RWDD1: variants seen among roughly 807,000 people sequenced by gnomAD.
RWDD1 encodes RWD domain containing 1.
Under a neutral mutation model 31.6 loss-of-function variants are expected in RWDD1, and 17 were observed. The observed-to-expected ratio is 0.54, with a 90% CI of 0.37 to 0.81. The LOEUF is 0.81. Among genes scored for constraint, RWDD1 ranks in the 30% least tolerant of loss-of-function variants. RWDD1 has a pLI of 0.00. For synonymous variants in RWDD1, 78 were observed against 94.2 expected, an observed-to-expected ratio of 0.83 and a Z score of 0.99; for missense variants, 204 against 274.5, an observed-to-expected ratio of 0.74 and a Z score of 1.82.
At chr6:116,575,007 C>T (rs1466517244) in intron 1 of RWDD1, among the ~76,000 whole-genome samples, 2 of 151,806 alleles carry the variant, frequency 1.3e-5, no homozygotes, top group Admixed American at 1.3e-4. Context: ...TGGCCTCAAG[C>T]GAGTCTCCTG....
At position 116,571,517 on chromosome 6, in the gene RWDD1, A is replaced by T; in HGVS notation, c.-66A>T. The T allele has an allele frequency of 6.6e-7, 1 of 1,510,140 alleles. No individual in the cohort carries two copies. Among genetic ancestry groups the T allele is most frequent in the Non-Finnish European group, 8.9e-7 (1 of 1,121,046 alleles). The allele number at this position is 1,510,140 out of a possible 1,614,324, so 93.5% of individuals were successfully genotyped here. A position where few individuals can be genotyped will look rare whatever the true frequency, so the allele number is the denominator to read the frequency against. On this transcript the variant is annotated 5_prime_UTR_variant, in exon 1 of 7. Transcript: ENST00000466444. ...CCGCCGCCCGCTCTCCCGGCGCGGCAGCTGTCTGGGCTGCTGCGCGCCGCC... is the reference window on the plus strand; with the variant it reads ...CCGCCGCCCGCTCTCCCGGCGCGGCTGCTGTCTGGGCTGCTGCGCGCCGCC...
intron 6 of RWDD1, among the ~76,000 whole-genome samples, chr6:116,591,719 C>T (rs1775148432): frequency 6.6e-6 from 1 of 152,250 alleles, no homozygotes; most frequent in Admixed American, 6.5e-5. Context: ...GGGCTCCATA[C>T]TCAGTCACAC....
At chr6:116,590,855 T>C (rs1775130358) in intron 5 of RWDD1, 33 bp from the exon 6 acceptor site, 2 of 1,553,328 alleles carry the variant, frequency 1.3e-6, no homozygotes, top group Non-Finnish European at 1.7e-6. Flanking sequence ...AACTATGCCA[T>C]TTGAATTAAA....
chr6:116,587,609 A>C (rs567003967), intron 3 of RWDD1, among the ~76,000 whole-genome samples: 3 of 151,910 alleles, frequency 2.0e-5, no homozygotes, highest in Non-Finnish European at 4.4e-5. Flanking sequence ...CATTGACTAG[A>C]TCAGTTTTGT....
chr6:116,576,739 G>T (rs1421405987), intron 1 of RWDD1, among the ~76,000 whole-genome samples: 2 of 152,246 alleles, frequency 1.3e-5, no homozygotes, highest in African/African-American at 4.8e-5. Flanking sequence ...GTAATGACAA[G>T]TTAACAAGTA....
intron 1 of RWDD1, 138 bp downstream of exon 1, chr6:116,571,793 C>T (rs959980416): frequency 3.3e-6 from 2 of 598,452 alleles, no homozygotes; most frequent in East Asian, 6.3e-5. Context: ...CTCCACTCCT[C>T]AAGTTCTTCA....
intron 1 of RWDD1, among the ~76,000 whole-genome samples, chr6:116,578,159 C>G (rs7757967): frequency 0.81 from 123,470 of 152,156 alleles, 50,264 homozygotes; most frequent in Middle Eastern, 0.89. Flanking sequence ...TAAAAGCTCT[C>G]TATCTCAGTT....
rs988312939 is a variant in RWDD1, at chr6:116,576,378, A to G, written c.74-3917A>G. Reference sequence around the variant, plus strand: ...TTTTTAGCTGCACATGGGCGTTGCCACACCTTGAAAATGCCATCTCTAACA... The same window carrying G: ...TTTTTAGCTGCACATGGGCGTTGCCGCACCTTGAAAATGCCATCTCTAACA... On this transcript the variant is annotated intron_variant, in intron 1 of 6. Transcript: ENST00000466444. Among the ~76,000 whole-genome samples the G allele has an allele frequency of 1.4e-4, 22 of 152,264 alleles. 1 individual carries two copies. Among genetic ancestry groups the G allele is most frequent in the Admixed American group, 1.4e-3 (22 of 15,284 alleles).
intron 1 of RWDD1, among the ~76,000 whole-genome samples, chr6:116,575,295 A>G (rs2115323018): frequency 6.6e-6 from 1 of 152,128 alleles, no homozygotes; most frequent in African/African-American, 2.4e-5. Flanking sequence ...CTATGTTCCC[A>G]GGCTGGTCTT....
Position 116,593,129 on chromosome 6 carries a change from T to C in RWDD1, c.*28T>C. 1 of 1,594,336 alleles carries C rather than the reference T, an allele frequency of 6.3e-7. No homozygotes were observed. Among genetic ancestry groups the C allele is most frequent in the Non-Finnish European group, 8.5e-7 (1 of 1,171,912 alleles). Reference sequence around the variant, plus strand: ...GACTGTCCCCATCTGCAGAGAGGCTTGACTGCCACAGCATCTGTGGCTATG... The same window carrying C: ...GACTGTCCCCATCTGCAGAGAGGCTCGACTGCCACAGCATCTGTGGCTATG... On this transcript the variant is annotated 3_prime_UTR_variant, in exon 7 of 7. Coordinates refer to ENST00000466444, the MANE Select transcript of RWDD1 (RefSeq NM_015952.4).
In RWDD1 at chr6:116,589,305, T is replaced by C. The variant is rs146331640; in HGVS notation, c.414+320T>C. Among the ~76,000 whole-genome samples, 78 of 152,188 alleles carry C rather than the reference T, an allele frequency of 5.1e-4. No individual in the cohort carries two copies. In the East Asian group the frequency reaches 0.012, roughly 23 times the overall value. On this transcript the variant is annotated intron_variant, in intron 4 of 6. Coordinates refer to ENST00000466444, the MANE Select transcript of RWDD1 (RefSeq NM_015952.4). ...CTGAGCCACATTGGAAGAAGAAGAA[T>C]TGTCTTGGGCCATACATAAAATACA...
chr6:116,571,907 G>A (rs1048536278), intron 1 of RWDD1, among the ~76,000 whole-genome samples: 2 of 151,918 alleles, frequency 1.3e-5, no homozygotes, highest in Admixed American at 6.5e-5. Context: ...AAATTGAGTC[G>A]GGATTACTTT....
At chr6:116,580,242 A>G in intron 1 of RWDD1, 53 bp from the exon 2 acceptor site, 1 of 1,354,234 alleles carries the variant, frequency 7.4e-7, no homozygotes, top group Non-Finnish European at 1.0e-6. Flanking sequence ...TAATAAGGAA[A>G]AGCATCTGCC....
intron 1 of RWDD1, 66 bp downstream of exon 1, chr6:116,571,721 A>T: frequency 6.8e-7 from 1 of 1,464,376 alleles, no homozygotes; most frequent in Non-Finnish European, 9.4e-7. Flanking sequence ...GAGCTGCCGC[A>T]GCTCTGGGCC....
chr6:116,581,784 G>T (rs1269603382), intron 2 of RWDD1, among the ~76,000 whole-genome samples: 1 of 152,034 alleles, frequency 6.6e-6, no homozygotes, highest in Non-Finnish European at 1.5e-5. Flanking sequence ...GAATCATGAA[G>T]CAGGAGACTT....
At chr6:116,573,225 A>T (rs1774777783) in intron 1 of RWDD1, among the ~76,000 whole-genome samples, 1 of 152,178 alleles carries the variant, frequency 6.6e-6, no homozygotes, top group Non-Finnish European at 1.5e-5. Flanking sequence ...AGCATTTATA[A>T]AACTGATATC....
chr6:116,592,819 C>A lies in RWDD1; in HGVS notation c.611-161C>A, dbSNP rs148559613. On this transcript the variant is annotated intron_variant, in intron 6 of 6. Transcript: ENST00000466444. ...TTAAAATTTCAGAGTCTCTACTGACCAATGCAAATCACTGTTGATAACTGT... is the reference window on the plus strand; with the variant it reads ...TTAAAATTTCAGAGTCTCTACTGACAAATGCAAATCACTGTTGATAACTGT... Among the ~76,000 whole-genome samples, 129 of 152,186 alleles carry A rather than the reference C, an allele frequency of 8.5e-4. 2 individuals carry two copies. Among genetic ancestry groups the A allele is most frequent in the Admixed American group, 5.4e-3 (83 of 15,278 alleles).
intron 6 of RWDD1, among the ~76,000 whole-genome samples, chr6:116,591,430 C>T (rs1775142578): frequency 6.6e-6 from 1 of 152,198 alleles, no homozygotes; most frequent in Non-Finnish European, 1.5e-5. Context: ...TATCATAAAT[C>T]TGTGAAAACT....
At chr6:116,582,952 CTT>C (rs56123912) in intron 2 of RWDD1, among the ~76,000 whole-genome samples, 3,191 of 137,108 alleles carry the variant, frequency 0.023, 115 homozygotes, top group African/African-American at 0.078. Context: ...TTTCCATTTT[CTT>C]TTTTTTTTTT....
Sources: allele counts gnomAD v4.1 joint callset (sites outside exome capture counted in the v4.1 genomes callset), GRCh38; gene constraint gnomAD v4.1.1; transcripts MANE v1.5; gene names NCBI Gene and HGNC (gene_info 2026-07-23, HGNC 2026-07-21).